PCDH17: variants seen among roughly 807,000 people sequenced by gnomAD.
PCDH17 encodes protocadherin-17.
In PCDH17, 21 loss-of-function variants were observed where a neutral mutation model predicts 67.7. The observed-to-expected ratio is 0.31, with a 90% CI of 0.22 to 0.45. The LOEUF is 0.45. Among genes scored for constraint, PCDH17 ranks in the 20% least tolerant of loss-of-function variants. PCDH17 has a pLI of 1.00. For synonymous variants in PCDH17, 701 were observed against 656.7 expected (o/e 1.07, Z -1.03); for missense variants, 1,471 against 1,564.8 (o/e 0.94, Z 1.01).
Position 57,633,413 on chromosome 13 carries a change from C to A in PCDH17, c.867C>A (p.Arg289=), listed in dbSNP as rs374662445. The stretch of plus-strand genomic sequence containing the variant: ...CTTTCAGCAGCTACGTGCCTGACCG[C>A]GTGCGGGAGCTCTTCTCCATCGACC... ...LYSFSSYVPD[R]VRELFSIDPK... is the part of the protein sequence containing the mutation. Residue 289 remains arginine (R), a synonymous_variant, in exon 1 of 4, where the codon CGC becomes CGA. Transcript: ENST00000377918. The surrounding 1 kb of genome is among the most constrained non-coding windows in gnomAD (Gnocchi z 6.2). 2.1e-5 allele frequency: 34 copies of A among 1,613,314 alleles called. No individual in the cohort carries two copies. Among genetic ancestry groups the A allele is most frequent in the Admixed American group, 3.3e-5 (2 of 60,006 alleles).
intron 3 of PCDH17, among the ~76,000 whole-genome samples, chr13:57,674,553 C>G (rs947850898): frequency 6.6e-6 from 1 of 151,916 alleles, no homozygotes; most frequent in African/African-American, 2.4e-5. Context: ...TCTTGAACTC[C>G]TGGCTTCAAG....
At chr13:57,656,202 C>T (rs895754080) in intron 1 of PCDH17, among the ~76,000 whole-genome samples, 11 of 152,026 alleles carry the variant, frequency 7.2e-5, no homozygotes, top group Admixed American at 6.6e-4. Flanking sequence ...CTCCAAATCT[C>T]CCAGTGCAGA....
At chr13:57,666,356 G>A in intron 1 of PCDH17, 112 bp from the exon 2 acceptor site, 2 of 785,852 alleles carry the variant, frequency 2.5e-6, no homozygotes, top group Non-Finnish European at 4.3e-6. Context: ...CAAATCTGAA[G>A]ATTAAGGGAA....
At chr13:57,684,322 A>G (rs930481256) in intron 3 of PCDH17, among the ~76,000 whole-genome samples, 14 of 151,960 alleles carry the variant, frequency 9.2e-5, no homozygotes, top group Admixed American at 6.6e-4. Flanking sequence ...GCACACATTC[A>G]CATATATATA....
chr13:57,655,726 CACATTAA>C (rs928974399), intron 1 of PCDH17, among the ~76,000 whole-genome samples: 4 of 151,802 alleles, frequency 2.6e-5, no homozygotes, highest in African/African-American at 4.8e-5. Flanking sequence ...ATATATAAAG[CACATTAA>C]ACATTAAACA....
intron 3 of PCDH17, among the ~76,000 whole-genome samples, chr13:57,685,551 G>T (rs1245056643): frequency 6.6e-6 from 1 of 151,902 alleles, no homozygotes; most frequent in Non-Finnish European, 1.5e-5. Context: ...TTGATATTGT[G>T]CTAGTTATGA....
chr13:57,707,476 A>G (rs144028231), intron 3 of PCDH17, among the ~76,000 whole-genome samples: 6 of 152,016 alleles, frequency 3.9e-5, no homozygotes, highest in Middle Eastern at 3.4e-3. Flanking sequence ...ATTCAAAACA[A>G]TGTAGGCTTT....
At chr13:57,685,155 T>C (rs1399819918) in intron 3 of PCDH17, among the ~76,000 whole-genome samples, 1 of 151,980 alleles carries the variant, frequency 6.6e-6, no homozygotes, top group African/African-American at 2.4e-5. Flanking sequence ...TAGATAGTAA[T>C]TAGTATGTTA....
chr13:57,646,355 A>T (rs1954966729), intron 1 of PCDH17, among the ~76,000 whole-genome samples: 1 of 151,702 alleles, frequency 6.6e-6, no homozygotes, highest in Non-Finnish European at 1.5e-5. Context: ...TAATTCAATG[A>T]ATAAATAATG....
At chr13:57,652,636 A>T (rs994858214) in intron 1 of PCDH17, among the ~76,000 whole-genome samples, 1 of 152,202 alleles carries the variant, frequency 6.6e-6, no homozygotes, top group East Asian at 1.9e-4. Flanking sequence ...CTGTTGTAGG[A>T]TAGTGAATAT....
At chr13:57,644,286 A>G (rs1299101918) in intron 1 of PCDH17, among the ~76,000 whole-genome samples, 2 of 151,672 alleles carry the variant, frequency 1.3e-5, no homozygotes, top group Non-Finnish European at 3.0e-5. Flanking sequence ...AGTCTATTCT[A>G]TGGTGTGGCT....
intron 3 of PCDH17, among the ~76,000 whole-genome samples, chr13:57,667,418 A>C (rs900873953): frequency 2.0e-5 from 3 of 152,004 alleles, no homozygotes; most frequent in Admixed American, 2.0e-4. Context: ...GTAAAATTTT[A>C]TCTCTAATTT....
intron 3 of PCDH17, among the ~76,000 whole-genome samples, chr13:57,700,681 T>G (rs2138074836): frequency 6.6e-6 from 1 of 152,194 alleles, no homozygotes; most frequent in East Asian, 1.9e-4. Flanking sequence ...TGTTTGAAAT[T>G]ATGTTGATAT....
chr13:57,631,395 C>A (rs941760503), upstream of PCDH17, among the ~76,000 whole-genome samples: 1 of 152,154 alleles, frequency 6.6e-6, no homozygotes, highest in South Asian at 2.1e-4. Flanking sequence ...CGGCCTCCCC[C>A]CTCCTCCTTT....
At chr13:57,660,009 G>C (rs1955163272) in intron 1 of PCDH17, among the ~76,000 whole-genome samples, 1 of 152,082 alleles carries the variant, frequency 6.6e-6, no homozygotes, top group Admixed American at 6.6e-5. Context: ...GAGTCGGGTG[G>C]ATCCTTTGAG....
intron 1 of PCDH17, among the ~76,000 whole-genome samples, chr13:57,653,661 G>A (rs1291609359): frequency 1.3e-5 from 2 of 152,096 alleles, no homozygotes; most frequent in Non-Finnish European, 2.9e-5. Flanking sequence ...CTATAAAATA[G>A]GTGAGGAAGT....
At chr13:57,667,869 G>A (rs554200687) in intron 3 of PCDH17, among the ~76,000 whole-genome samples, 73 of 126,266 alleles carry the variant, frequency 5.8e-4, no homozygotes, top group Middle Eastern at 0.01. Context: ...ATACATATAT[G>A]TTTATATATA....
chr13:57,652,069 G>A (rs942075944), intron 1 of PCDH17, among the ~76,000 whole-genome samples: 1 of 151,810 alleles, frequency 6.6e-6, no homozygotes, highest in African/African-American at 2.4e-5. Context: ...ATGAGGTCAG[G>A]AGATCGAGAC....
chr13:57,710,919 C>A (rs1350572113), intron 3 of PCDH17, among the ~76,000 whole-genome samples: 2 of 151,806 alleles, frequency 1.3e-5, no homozygotes, highest in South Asian at 2.1e-4. Context: ...TTATACCTGT[C>A]CTTGATTTGG....
Sources: gnomAD v4.1 joint callset for allele counts (sites outside exome capture counted in the v4.1 genomes callset) on GRCh38, gnomAD v4.1.1 for gene constraint, Gnocchi (gnomAD v3.1) non-coding constraint, MANE v1.5 for transcripts, NCBI Gene and HGNC (gene_info 2026-07-23, HGNC 2026-07-21) for gene names.